The following PCIF1 variants were observed in gnomAD, a reference collection of about 807,000 sequenced individuals.
PCIF1 encodes the protein mRNA (2'-O-methyladenosine-N(6)-)-methyltransferase.
Under a neutral mutation model 86.9 loss-of-function variants are expected in PCIF1, and 12 were observed. The ratio of observed to expected loss-of-function variants is 0.14; its 90% confidence interval spans 0.09 to 0.22. The LOEUF is 0.22. PCIF1 is among the 10% of genes least tolerant of loss of function. The probability of loss-of-function intolerance (pLI) is 1.00; values close to 1 mark genes in which losing one functional copy is unlikely to be tolerated. For synonymous variants in PCIF1, 397 were observed against 372.0 expected (o/e 1.07, Z -0.77); for missense variants, 701 against 951.1 (o/e 0.74, Z 3.46).
intron 2 of PCIF1, among the ~76,000 whole-genome samples, chr20:45,938,374 G>C (rs1322898133): frequency 6.6e-6 from 1 of 152,152 alleles, no homozygotes; most frequent in African/African-American, 2.4e-5. Flanking sequence ...GATTTTACTG[G>C]ATGAGAGCAG....
At position 45,945,856 on chromosome 20, in the gene PCIF1, G is replaced by T. The variant is rs1273625049; in HGVS notation, c.1314G>T (p.Lys438Asn). 1.2e-6 allele frequency: 2 copies of T among 1,613,834 alleles called. No individual in the cohort carries two copies. Among genetic ancestry groups the T allele is most frequent in the South Asian group, 2.2e-5 (2 of 91,090 alleles). Residue 438 changes from lysine to asparagine, a missense_variant, in exon 12 of 17, where the codon AAG becomes AAT. Transcript: ENST00000372409. ...VCIRYKGEMV[K>N]VSRNYFSKLW... ...TCCGGTATAAGGGAGAGATGGTCAA[G>T]GTCAGCCGCAACTACTTCAGCAAGC...
Position 45,940,508 on chromosome 20 carries a change from C to T in PCIF1, c.283C>T (p.Pro95Ser). 6.2e-7 allele frequency: 1 copy of T among 1,607,950 alleles called. No individual in the cohort carries two copies. Among genetic ancestry groups the T allele is most frequent in the African/African-American group, 1.3e-5 (1 of 74,798 alleles). Residue 95 changes from proline (P) to serine (S), a missense_variant, in exon 5 of 17, where the codon CCC (proline) becomes TCC (serine). Coordinates refer to ENST00000372409, the MANE Select transcript of PCIF1 (RefSeq NM_022104.4). ...DPLGLNATPLPQDSSLVETPP... is the reference protein window; with the variant it reads ...DPLGLNATPLSQDSSLVETPP... Reference sequence around the variant, plus strand: ...TTTGGGGCTGAATGCGACCCCACTGCCCCAAGACTCAAGCTTGGTGGAAAC... The same window carrying T: ...TTTGGGGCTGAATGCGACCCCACTGTCCCAAGACTCAAGCTTGGTGGAAAC...
At position 45,943,326 on chromosome 20, in the gene PCIF1, A is replaced by T; in HGVS notation, c.822-14A>T. On this transcript the variant is annotated splice_polypyrimidine_tract_variant and intron_variant, in intron 8 of 16. Transcript: ENST00000372409. This position sits in a 1 kb window ranked among gnomAD's most constrained non-coding sequence, Gnocchi z 5.5. The stretch of plus-strand genomic sequence containing the variant: ...GTATAGAAGGCCTCTAACTCTGCCC[A>T]CTCTGAAACGCAGGTTATCCCGAAT... 1 of 1,613,878 alleles carries T rather than the reference A, an allele frequency of 6.2e-7. No individual in the cohort carries two copies.
intron 1 of PCIF1, among the ~76,000 whole-genome samples, chr20:45,936,425 G>A (rs1476478387): frequency 3.4e-5 from 5 of 147,382 alleles, no homozygotes; most frequent in African/African-American, 1.2e-4. Context: ...TCCTGACCTC[G>A]TGATCCGCCC....
chr20:45,936,387 C>G (rs1287215077), intron 1 of PCIF1, among the ~76,000 whole-genome samples: 1 of 137,354 alleles, frequency 7.3e-6, no homozygotes, highest in African/African-American at 2.7e-5. Flanking sequence ...GACGGGGTTT[C>G]ACTGTGTTAG....
In PCIF1 at chr20:45,944,777, T is replaced by C. The variant is rs1346556452; in HGVS notation, c.1006-91T>C. The C allele has an allele frequency of 2.8e-6, 4 of 1,404,852 alleles. No individual in the cohort carries two copies. In the East Asian group the frequency reaches 9.4e-5, roughly 33 times the overall value. 87.0% of individuals were successfully genotyped at this position (1,404,852 alleles called of 1,614,324 possible). On this transcript the variant is annotated intron_variant, in intron 10 of 16. Coordinates refer to ENST00000372409, the MANE Select transcript of PCIF1 (RefSeq NM_022104.4). ...GCAGAGCTGGTTTCAAAACAAGGACTGCTGGACTCCAACAGCCCTGCGGTT... is the reference window on the plus strand; with the variant it reads ...GCAGAGCTGGTTTCAAAACAAGGACCGCTGGACTCCAACAGCCCTGCGGTT...
At chr20:45,945,132 G>A (rs2083511506) in intron 11 of PCIF1, 102 bp downstream of exon 11, 1 of 1,346,122 alleles carries the variant, frequency 7.4e-7, no homozygotes, top group Non-Finnish European at 1.0e-6. Context: ...GACTGGTTTG[G>A]GGCAGAACCT....
In PCIF1 at chr20:45,947,658, G is replaced by C. The variant is rs149514465; in HGVS notation, c.2018G>C (p.Ser673Thr). ...LSAAYRQSGR[S>T]HSSGSSSSSS... ...GCTGCCTACCGGCAGTCAGGCCGCA[G>C]CCACAGCTCTGGTTCTTCCTCATCG... is the stretch of plus-strand genomic sequence containing the variant. The change falls in exon 17 of 17, where the codon AGC (serine) becomes ACC (threonine). Residue 673 changes from serine (S) to threonine (T), a missense_variant. By Grantham distance (58) the Ser-to-Thr change is moderately conservative. Coordinates refer to ENST00000372409, the MANE Select transcript of PCIF1 (RefSeq NM_022104.4). The surrounding 1 kb of genome is among the most constrained non-coding windows in gnomAD (Gnocchi z 5.4). The C allele has an allele frequency of 3.1e-6, 5 of 1,612,628 alleles. No homozygotes were observed. In the Admixed American group the frequency reaches 8.3e-5, roughly 27 times the overall value.
In PCIF1 at chr20:45,947,678, T is replaced by C. The variant is rs1475721769; in HGVS notation, c.2038T>C (p.Ser680Pro). The change falls in exon 17 of 17, where the codon TCA (serine) becomes CCA (proline). Residue 680 changes from serine (S) to proline (P), a missense_variant. Coordinates refer to ENST00000372409, the MANE Select transcript of PCIF1 (RefSeq NM_022104.4). The surrounding 1 kb of genome is among the most constrained non-coding windows in gnomAD (Gnocchi z 5.4). ...SGRSHSSGSSSSSSSEAKDRD... is the reference protein window; with the variant it reads ...SGRSHSSGSSPSSSSEAKDRD... ...CCGCAGCCACAGCTCTGGTTCTTCC[T>C]CATCGTCCTCCTCGGAGGCCAAGGA... is the stretch of plus-strand genomic sequence containing the variant. 6.2e-7 allele frequency: 1 copy of C among 1,611,230 alleles called. No individual in the cohort carries two copies. The highest frequency in any genetic ancestry group is 1.1e-5 in the South Asian group (1 of 91,026).
chr20:45,937,942 G>T (rs1008767395), intron 2 of PCIF1: 2 of 195,922 alleles, frequency 1.0e-5, no homozygotes, highest in African/African-American at 4.6e-5. Flanking sequence ...TGACCACAAT[G>T]AGTTGATAAA....
At position 45,943,884 on chromosome 20, in the gene PCIF1, G is replaced by T; in HGVS notation, c.1005+119G>T. 1.4e-6 allele frequency: 1 copy of T among 727,094 alleles called. No homozygotes were observed. 45.0% of individuals were successfully genotyped at this position (727,094 alleles called of 1,614,324 possible). A position where few individuals can be genotyped will look rare whatever the true frequency, so the allele number is the denominator to read the frequency against. On this transcript the variant is annotated intron_variant, in intron 10 of 16. Transcript: ENST00000372409. The surrounding 1 kb of genome is among the most constrained non-coding windows in gnomAD (Gnocchi z 5.5). Reference sequence around the variant, plus strand: ...TCCCCCAGCGGCCTATTCTTGTGCAGTATGGCAGACGTTCGACATTCGTCA... The same window carrying T: ...TCCCCCAGCGGCCTATTCTTGTGCATTATGGCAGACGTTCGACATTCGTCA...
chr20:45,937,118 G>T (rs2083433426), intron 1 of PCIF1, among the ~76,000 whole-genome samples: 1 of 152,202 alleles, frequency 6.6e-6, no homozygotes, highest in South Asian at 2.1e-4. Context: ...AAATGTAAAT[G>T]TGAGCTCCTT....
chr20:45,947,508 T>C lies in PCIF1; in HGVS notation c.1884-16T>C, dbSNP rs760846414. The stretch of plus-strand genomic sequence containing the variant: ...CCAGGCCCAGCCCCACCCTGAGCCA[T>C]TGCCTTTGCCCGCAGGGAGGAAATG... On this transcript the variant is annotated splice_polypyrimidine_tract_variant and intron_variant, in intron 16 of 16. Transcript: ENST00000372409. This position sits in a 1 kb window ranked among gnomAD's most constrained non-coding sequence, Gnocchi z 5.4. 26 of 1,613,702 alleles carry C rather than the reference T, an allele frequency of 1.6e-5. No homozygotes were observed. The highest frequency in any genetic ancestry group is 2.2e-5 in the Non-Finnish European group (26 of 1,179,966).
At chr20:45,945,634 G>A in intron 11 of PCIF1, 77 bp from the exon 12 acceptor site, 2 of 1,533,006 alleles carry the variant, frequency 1.3e-6, no homozygotes, top group East Asian at 2.3e-5. Flanking sequence ...CCCTCTCTCG[G>A]TACAAAGCAT....
In PCIF1 at chr20:45,939,046, T is replaced by C. The variant is rs200252509; in HGVS notation, c.47T>C (p.Leu16Pro). Residue 16 changes from leucine to proline, a missense_variant, in exon 3 of 17, where the codon CTG (leucine) becomes CCG (proline). By Grantham distance (98) the Leu-to-Pro change is moderately conservative. Around this residue, in one of 7 missense-constraint regions of PCIF1, gnomAD observed 60 missense variants for 58.6 expected, o/e 1.02. Coordinates refer to ENST00000372409, the MANE Select transcript of PCIF1 (RefSeq NM_022104.4). ...AGCCCCCGGGAGGAAGCGTCCCTGC[T>C]GAGTCACTCCCCAGGTACCTCCAAT... ...HGSPREEASL[L>P]SHSPGTSNQS... The C allele has an allele frequency of 6.2e-7, 1 of 1,614,016 alleles. No individual in the cohort carries two copies. The highest frequency in any genetic ancestry group is 2.2e-5 in the East Asian group (1 of 44,876).
intron 4 of PCIF1, among the ~76,000 whole-genome samples, chr20:45,939,627 G>C (rs1462779728): frequency 6.6e-6 from 1 of 152,248 alleles, no homozygotes; most frequent in East Asian, 1.9e-4. Context: ...CCCATGGGCT[G>C]CCAGGTGACA....
rs1434126313 is a variant in PCIF1, at chr20:45,942,125, G to A, written c.673+918G>A. On this transcript the variant is annotated intron_variant, in intron 7 of 16. Transcript: ENST00000372409. ...TGAGTAGCTGGGACTACAGGTGCCT[G>A]CCACCACGCCCAGCTAATTTTTATA... Among the ~76,000 whole-genome samples the A allele has an allele frequency of 9.9e-4, 149 of 150,004 alleles. 1 individual carries two copies. The highest frequency in any genetic ancestry group is 3.3e-3 in the African/African-American group (136 of 40,730).
intron 4 of PCIF1, 73 bp downstream of exon 4, chr20:45,939,412 AGC>A (rs1346344375): frequency 1.3e-6 from 2 of 1,594,958 alleles, no homozygotes; most frequent in African/African-American, 2.7e-5. Context: ...ATGTACCCTG[AGC>A]AGCCGTTCAG....
Position 45,947,941 on chromosome 20 carries a change from C to T in PCIF1, c.*186C>T, listed in dbSNP as rs748242307. On this transcript the variant is annotated 3_prime_UTR_variant, in exon 17 of 17. Coordinates refer to ENST00000372409, the MANE Select transcript of PCIF1 (RefSeq NM_022104.4). The surrounding 1 kb of genome is among the most constrained non-coding windows in gnomAD (Gnocchi z 5.4). ...CCCTCCAAGTCCCATGTATATAGGT[C>T]CTGATGCCTTCCCAACCCCGCCCCT... 111 of 1,533,222 alleles carry T rather than the reference C, an allele frequency of 7.2e-5. No individual in the cohort carries two copies. The highest frequency in any genetic ancestry group is 9.4e-5 in the Non-Finnish European group (108 of 1,146,060). 95.0% of individuals were successfully genotyped at this position (1,533,222 alleles called of 1,614,324 possible). A position where few individuals can be genotyped will look rare whatever the true frequency, so the allele number is the denominator to read the frequency against.
Sources: allele counts gnomAD v4.1 joint callset (sites outside exome capture counted in the v4.1 genomes callset), GRCh38; gene constraint gnomAD v4.1.1; regional missense constraint gnomAD v4.1.1; non-coding constraint Gnocchi (gnomAD v3.1); transcripts MANE v1.5; gene names NCBI Gene and HGNC (gene_info 2026-07-23, HGNC 2026-07-21).